Variants in DSCAM observed in about 807,000 individuals in gnomAD.
The protein encoded by DSCAM is DS cell adhesion molecule.
In DSCAM, 47 loss-of-function variants were observed where a neutral mutation model predicts 217.7. The ratio of observed to expected loss-of-function variants is 0.22; its 90% CI spans 0.17 to 0.28. The LOEUF (loss-of-function observed/expected upper bound fraction) is 0.28. DSCAM is among the 10% of genes least tolerant of loss of function. DSCAM has a pLI of 1.00. For missense variants in DSCAM, 2,080 were observed against 2,618.3 expected (o/e 0.79, Z 4.49); for synonymous variants, 1,056 against 1,015.3 (o/e 1.04, Z -0.76).
chr21:40,765,993 T>G (rs2091384965), intron 1 of DSCAM, among the ~76,000 whole-genome samples: 1 of 152,224 alleles, frequency 6.6e-6, no homozygotes, highest in African/African-American at 2.4e-5. Flanking sequence ...CTCTTACCCC[T>G]GCTATCACAG....
chr21:40,440,945 ACT>A (rs1337052674), intron 3 of DSCAM, among the ~76,000 whole-genome samples: 3 of 152,092 alleles, frequency 2.0e-5, no homozygotes, highest in Admixed American at 6.5e-5. Context: ...CTTTGAGGAC[ACT>A]CTCTTAATGG....
intron 3 of DSCAM, among the ~76,000 whole-genome samples, chr21:40,514,356 G>A (rs2076283383): frequency 6.6e-6 from 1 of 152,114 alleles, no homozygotes; most frequent in Non-Finnish European, 1.5e-5. Context: ...CTTATTAATT[G>A]GACTACATCA....
chr21:40,556,866 C>T (rs77594066), intron 3 of DSCAM, among the ~76,000 whole-genome samples: 1,523 of 152,204 alleles, frequency 0.01, 23 homozygotes, highest in African/African-American at 0.035. Flanking sequence ...CATATCATAG[C>T]ACTATTCATT....
intron 3 of DSCAM, among the ~76,000 whole-genome samples, chr21:40,642,482 A>G (rs1041033226): frequency 3.9e-5 from 6 of 152,076 alleles, no homozygotes; most frequent in Non-Finnish European, 8.8e-5. Context: ...CAAAAAGAGA[A>G]ATTTTTCTGC....
chr21:40,192,772 A>G (rs1260449272), intron 11 of DSCAM, among the ~76,000 whole-genome samples: 1 of 152,160 alleles, frequency 6.6e-6, no homozygotes, highest in Non-Finnish European at 1.5e-5. Context: ...TTATTGCTAA[A>G]TGATATTGCA....
At chr21:40,219,263 T>C (rs1479001920) in intron 11 of DSCAM, among the ~76,000 whole-genome samples, 5 of 151,872 alleles carry the variant, frequency 3.3e-5, no homozygotes, top group Non-Finnish European at 7.3e-5. Context: ...GTTATGTTTA[T>C]GTGATAAATC....
At chr21:40,604,379 T>C (rs2089203557) in intron 3 of DSCAM, among the ~76,000 whole-genome samples, 1 of 152,208 alleles carries the variant, frequency 6.6e-6, no homozygotes, top group Admixed American at 6.5e-5. Context: ...CTGTTAATCA[T>C]AGTTAAATTC....
chr21:40,672,591 T>C (rs563401211), intron 3 of DSCAM, among the ~76,000 whole-genome samples: 2 of 152,238 alleles, frequency 1.3e-5, no homozygotes, highest in South Asian at 4.2e-4. Flanking sequence ...CAGAAAGATA[T>C]TTATAGTGAG....
chr21:40,425,262 A>G (rs1055723756), intron 3 of DSCAM, among the ~76,000 whole-genome samples: 1 of 151,300 alleles, frequency 6.6e-6, no homozygotes, highest in African/African-American at 2.4e-5. Flanking sequence ...ATGGTGGCTC[A>G]TGCCTGTAAT....
intron 3 of DSCAM, among the ~76,000 whole-genome samples, chr21:40,506,088 TGAAG>T (rs2076208439): frequency 6.6e-6 from 1 of 152,236 alleles, no homozygotes; most frequent in Non-Finnish European, 1.5e-5. Context: ...AAAGATTTAC[TGAAG>T]GAACTTTTTT....
chr21:40,419,524 T>A (rs1004715013), intron 3 of DSCAM, among the ~76,000 whole-genome samples: 1 of 152,176 alleles, frequency 6.6e-6, no homozygotes, highest in Non-Finnish European at 1.5e-5. Flanking sequence ...TGCACCTCTC[T>A]GAGCAAACTT....
intron 1 of DSCAM, among the ~76,000 whole-genome samples, chr21:40,757,919 A>G (rs2091291850): frequency 6.6e-6 from 1 of 152,246 alleles, no homozygotes; most frequent in Admixed American, 6.5e-5. Context: ...CCTAACACCC[A>G]GTACCCGTGG....
chr21:40,350,640 G>A (rs932238550), intron 5 of DSCAM, among the ~76,000 whole-genome samples: 6 of 152,076 alleles, frequency 3.9e-5, no homozygotes, highest in African/African-American at 9.7e-5. Context: ...ACATGTGGAG[G>A]AGGGTGGATG....
chr21:40,781,012 ATT>A (rs35913475), intron 1 of DSCAM, among the ~76,000 whole-genome samples: 9 of 149,004 alleles, frequency 6.0e-5, no homozygotes, highest in South Asian at 2.1e-4. Flanking sequence ...TAATAGTAAC[ATT>A]TTTTTTTTTC....
At chr21:40,210,581 G>T (rs906760210) in intron 11 of DSCAM, among the ~76,000 whole-genome samples, 14 of 152,202 alleles carry the variant, frequency 9.2e-5, no homozygotes, top group African/African-American at 3.1e-4. Context: ...TTCTCGCTCT[G>T]TCACCCAGGC....
At chr21:40,522,569 G>T (rs2076367421) in intron 3 of DSCAM, among the ~76,000 whole-genome samples, 1 of 152,166 alleles carries the variant, frequency 6.6e-6, no homozygotes, top group Admixed American at 6.5e-5. Flanking sequence ...AAAGTGGAGA[G>T]TTCTACTCTG....
intron 3 of DSCAM, among the ~76,000 whole-genome samples, chr21:40,426,125 A>G (rs551722770): frequency 1.6e-3 from 241 of 152,342 alleles, no homozygotes; most frequent in Non-Finnish European, 2.5e-3. Flanking sequence ...ACTGGAAGAA[A>G]AGACCGACTC....
At chr21:40,565,083 G>A (rs931201150) in intron 3 of DSCAM, among the ~76,000 whole-genome samples, 2 of 152,124 alleles carry the variant, frequency 1.3e-5, no homozygotes, top group African/African-American at 4.8e-5. Flanking sequence ...CATAAGACAG[G>A]AGCCAAGAAG....
intron 14 of DSCAM, among the ~76,000 whole-genome samples, chr21:40,181,009 G>A (rs1243794388): frequency 6.6e-6 from 1 of 152,064 alleles, no homozygotes; most frequent in Non-Finnish European, 1.5e-5. Flanking sequence ...TGCTGCGTTT[G>A]CACCCTGTCT....
Sources: gnomAD v4.1 joint callset for allele counts (sites outside exome capture counted in the v4.1 genomes callset) on GRCh38, gnomAD v4.1.1 for gene constraint, MANE v1.5 for transcripts, NCBI Gene and HGNC (gene_info 2026-07-23, HGNC 2026-07-21) for gene names.